Variants in SIK3 observed in about 807,000 individuals in gnomAD.
SIK3 encodes the protein SIK family kinase 3, also known as serine/threonine-protein kinase SIK3.
A neutral mutation model predicts 144.2 loss-of-function variants in SIK3; 28 were observed. That is an observed-to-expected ratio of 0.19 (90% confidence interval 0.14 to 0.27). The LOEUF is 0.27. Ranked by LOEUF, SIK3 falls within the 10% of genes least tolerant of loss-of-function variation. The pLI is 1.00. For missense variants in SIK3, 1,319 were observed against 1,776.0 expected (o/e 0.74, Z 4.62); for synonymous variants, 686 against 676.3 (o/e 1.01, Z -0.22).
At chr11:116,994,431 C>T (rs1950593259) in intron 1 of SIK3, among the ~76,000 whole-genome samples, 1 of 152,222 alleles carries the variant, frequency 6.6e-6, no homozygotes, top group Non-Finnish European at 1.5e-5. Flanking sequence ...TCTACTCCTT[C>T]CTCGTTTTGT....
At chr11:117,081,463 A>T (rs1477122178) in intron 1 of SIK3, among the ~76,000 whole-genome samples, 3 of 152,168 alleles carry the variant, frequency 2.0e-5, no homozygotes, top group African/African-American at 7.2e-5. Context: ...CTCTACTAAA[A>T]ATTACAAAAG....
intron 6 of SIK3, among the ~76,000 whole-genome samples, chr11:116,884,400 TGTAGCA>T (rs1161245518): frequency 6.9e-6 from 1 of 145,022 alleles, no homozygotes; most frequent in East Asian, 2.0e-4. Context: ...CAGGCTGGAG[TGTAGCA>T]GTGCGATCTC....
chr11:117,082,565 T>C (rs1360256878), intron 1 of SIK3, among the ~76,000 whole-genome samples: 1 of 152,174 alleles, frequency 6.6e-6, no homozygotes, highest in Non-Finnish European at 1.5e-5. Context: ...ATATGAAGTG[T>C]CCAGATGACG....
At chr11:116,914,240 A>G (rs906978007) in intron 4 of SIK3, among the ~76,000 whole-genome samples, 8 of 134,388 alleles carry the variant, frequency 6.0e-5, no homozygotes, top group African/African-American at 1.4e-4. Context: ...ATGGAGTCTC[A>G]CTCTGTCGCC....
intron 6 of SIK3, among the ~76,000 whole-genome samples, chr11:116,881,364 A>G (rs1350415125): frequency 1.3e-5 from 2 of 151,994 alleles, no homozygotes; most frequent in African/African-American, 2.4e-5. Flanking sequence ...GGCCCAGGAA[A>G]CCTGATCTGC....
intron 1 of SIK3, among the ~76,000 whole-genome samples, chr11:117,016,578 C>T (rs780886301): frequency 6.6e-6 from 1 of 152,100 alleles, no homozygotes; most frequent in South Asian, 2.1e-4. Flanking sequence ...AATTGGGAGG[C>T]TGAGGCAGCA....
chr11:117,042,373 A>G (rs1006045412), intron 1 of SIK3, among the ~76,000 whole-genome samples: 1 of 152,200 alleles, frequency 6.6e-6, no homozygotes, highest in African/African-American at 2.4e-5. Flanking sequence ...AAGGAGGCAC[A>G]ATGGTTAAAG....
At chr11:117,014,782 A>G (rs1035064001) in intron 1 of SIK3, among the ~76,000 whole-genome samples, 1 of 152,208 alleles carries the variant, frequency 6.6e-6, no homozygotes, top group Non-Finnish European at 1.5e-5. Flanking sequence ...AATTAAAACG[A>G]TTTTTAAGTG....
rs1290747901 is a variant in SIK3, at chr11:116,849,281, G to C, written c.3658C>G (p.Pro1220Ala). Residue 1220 changes from proline to alanine, a missense_variant and splice_region_variant, in exon 22 of 25, where the codon CCT becomes GCT. Pro to Ala is a conservative substitution (Grantham distance 27). Coordinates refer to ENST00000445177, the MANE Select transcript of SIK3 (RefSeq NM_001366686.3). The surrounding 1 kb of genome is among the most constrained non-coding windows in gnomAD (Gnocchi z 4.2). ...FSKNKVPSRE[P>A]VIGNCMDRSS... ...CTATCCATGCAGTTCCCTATGACAG[G>C]CTCTGAGGAGACACAGCAGAATAGA... 6.2e-7 allele frequency: 1 copy of C among 1,614,162 alleles called. No homozygotes were observed. Among genetic ancestry groups the C allele is most frequent in the Admixed American group, 1.7e-5 (1 of 60,028 alleles).
At chr11:117,059,081 A>G (rs1439766670) in intron 1 of SIK3, among the ~76,000 whole-genome samples, 1 of 152,260 alleles carries the variant, frequency 6.6e-6, no homozygotes, top group Non-Finnish European at 1.5e-5. Flanking sequence ...AGCAAATGGA[A>G]GAACTGAAAA....
chr11:116,940,223 GTTTT>G (rs990268065), intron 3 of SIK3, among the ~76,000 whole-genome samples: 3 of 146,552 alleles, frequency 2.0e-5, no homozygotes, highest in Admixed American at 6.7e-5. Context: ...TTCCTTTAAG[GTTTT>G]TTTGTTTTTT....
intron 1 of SIK3, among the ~76,000 whole-genome samples, chr11:117,017,497 C>T (rs1256121192): frequency 6.6e-6 from 1 of 150,928 alleles, no homozygotes; most frequent in Non-Finnish European, 1.5e-5. Context: ...AAGCACAGGC[C>T]TAGTACATAG....
At chr11:116,960,846 T>C (rs1184926917) in intron 1 of SIK3, among the ~76,000 whole-genome samples, 1 of 152,234 alleles carries the variant, frequency 6.6e-6, no homozygotes, top group Non-Finnish European at 1.5e-5. Flanking sequence ...TATTTTCTTC[T>C]GGAATCAAGC....
At chr11:116,965,262 C>T (rs962072552) in intron 1 of SIK3, among the ~76,000 whole-genome samples, 4 of 152,044 alleles carry the variant, frequency 2.6e-5, no homozygotes, top group East Asian at 1.9e-4. Flanking sequence ...ATATTATGAG[C>T]AACTCTCTCA....
intron 1 of SIK3, among the ~76,000 whole-genome samples, chr11:117,028,890 A>G (rs1444366170): frequency 6.6e-6 from 1 of 152,110 alleles, no homozygotes; most frequent in Non-Finnish European, 1.5e-5. Context: ...AAACTGGGCC[A>G]GGCATGGTGG....
intron 4 of SIK3, among the ~76,000 whole-genome samples, chr11:116,901,967 A>G (rs984930670): frequency 3.3e-5 from 5 of 152,242 alleles, no homozygotes; most frequent in African/African-American, 1.2e-4. Flanking sequence ...ATTATCCAGA[A>G]GGAAGATCCT....
At chr11:117,079,189 T>C (rs1468162128) in intron 1 of SIK3, among the ~76,000 whole-genome samples, 1 of 152,202 alleles carries the variant, frequency 6.6e-6, no homozygotes, top group Non-Finnish European at 1.5e-5. Context: ...AAAGCTGGCC[T>C]CCCAAATATA....
intron 21 of SIK3, chr11:116,857,498 A>G: frequency 3.1e-6 from 1 of 323,828 alleles, no homozygotes; most frequent in Middle Eastern, 8.9e-4. Context: ...TCTATTGCAC[A>G]AGTTTAAAGT....
At chr11:117,022,060 C>T (rs1951802540) in intron 1 of SIK3, among the ~76,000 whole-genome samples, 1 of 151,660 alleles carries the variant, frequency 6.6e-6, no homozygotes, top group Non-Finnish European at 1.5e-5. Context: ...AACAGGCCTG[C>T]CTACAAAGAA....
Sources: allele counts gnomAD v4.1 joint callset (sites outside exome capture counted in the v4.1 genomes callset), GRCh38; gene constraint gnomAD v4.1.1; non-coding constraint Gnocchi (gnomAD v3.1); transcripts MANE v1.5; gene names NCBI Gene and HGNC (gene_info 2026-07-23, HGNC 2026-07-21).